RIPOR2: variants seen among roughly 807,000 people sequenced by gnomAD.
RIPOR2 encodes RHO family interacting cell polarization regulator 2.
A neutral mutation model predicts 114.5 loss-of-function variants in RIPOR2; 39 were observed. The observed-to-expected ratio is 0.34, with a 90% CI of 0.26 to 0.44. RIPOR2 has a LOEUF of 0.44. RIPOR2 is among the 20% of genes least tolerant of loss of function. The pLI, the probability that RIPOR2 is intolerant of heterozygous loss-of-function variation, is 1.00. For synonymous variants in RIPOR2, 445 were observed against 484.4 expected, an observed-to-expected ratio of 0.92 and a Z score of 1.07; for missense variants, 1,007 against 1,255.1, an observed-to-expected ratio of 0.80 and a Z score of 2.99.
intron 1 of RIPOR2, among the ~76,000 whole-genome samples, chr6:24,961,725 A>G (rs1016332656): frequency 1.1e-4 from 17 of 151,682 alleles, no homozygotes; most frequent in Admixed American, 9.2e-4. Context: ...CCCAGGTTCA[A>G]GTGATGCTCC....
chr6:24,945,774 A>C (rs988741702), intron 1 of RIPOR2, among the ~76,000 whole-genome samples: 1 of 152,186 alleles, frequency 6.6e-6, no homozygotes, highest in Non-Finnish European at 1.5e-5. Flanking sequence ...CCAATAGAAA[A>C]ATTCAAATTA....
At position 24,972,909 on chromosome 6, in the gene RIPOR2, G is replaced by GA. The variant is rs556801532; in HGVS notation, c.76+68941dup. 2.4e-3 allele frequency among the ~76,000 whole-genome samples: 364 copies of GA among 152,332 alleles called. 1 individual carries two copies. Among genetic ancestry groups the GA allele is most frequent in the African/African-American group, 8.1e-3 (336 of 41,570 alleles). ...TATTTTATGGGTGGAGACAGGGATAGAATTTCTTTATAGAAAACGTCTGTT... is the reference window on the plus strand; with the variant it reads ...TATTTTATGGGTGGAGACAGGGATAGAAATTTCTTTATAGAAAACGTCTGTT... On this transcript the variant is annotated intron_variant, in intron 1 of 13. Coordinates refer to the RIPOR2 transcript ENST00000510784.
chr6:24,840,526 G>A, intron 13 of RIPOR2: 10 of 1,424,826 alleles, frequency 7.0e-6, no homozygotes, highest in Admixed American at 2.8e-5. Context: ...GGGGTGGGTC[G>A]AATGGGACAA....
intron 3 of RIPOR2, among the ~76,000 whole-genome samples, chr6:24,873,251 C>T (rs750478511): frequency 2.6e-5 from 4 of 152,196 alleles, no homozygotes; most frequent in Non-Finnish European, 5.9e-5. Flanking sequence ...TGGCTCTGGC[C>T]TGACAGAATT....
intron 1 of RIPOR2, among the ~76,000 whole-genome samples, chr6:24,897,155 G>A (rs575052207): frequency 1.3e-5 from 2 of 152,354 alleles, no homozygotes; most frequent in East Asian, 1.9e-4. Flanking sequence ...GAATGTGGGT[G>A]TTGAGTCTAA....
intron 1 of RIPOR2, among the ~76,000 whole-genome samples, chr6:24,964,675 A>G (rs1222462326): frequency 1.3e-5 from 2 of 152,226 alleles, no homozygotes; most frequent in African/African-American, 4.8e-5. Context: ...GATGTACCAT[A>G]TGGTAAGTGA....
chr6:24,902,085 GC>G (rs1768512753), intron 1 of RIPOR2, among the ~76,000 whole-genome samples: 1 of 152,210 alleles, frequency 6.6e-6, no homozygotes. Flanking sequence ...CAGAAGAGAA[GC>G]GGTAGAAAAG....
intron 15 of RIPOR2, among the ~76,000 whole-genome samples, chr6:24,834,573 A>G (rs995462653): frequency 2.6e-5 from 4 of 151,908 alleles, no homozygotes; most frequent in Admixed American, 1.3e-4. Context: ...ACAATTCAGC[A>G]TGGTAGTACA....
chr6:24,936,038 C>T, upstream of RIPOR2: 2 of 618,510 alleles, frequency 3.2e-6, no homozygotes, highest in South Asian at 3.8e-5. Flanking sequence ...CTGAAGAAAG[C>T]AGTTTCATTC....
upstream of RIPOR2, chr6:24,936,023 C>A: frequency 1.5e-6 from 1 of 669,798 alleles, no homozygotes; most frequent in Non-Finnish European, 2.6e-6. Context: ...GCTTCCGCAT[C>A]TGCCCTGAAG....
Position 24,864,308 on chromosome 6 carries a change from T to A in RIPOR2, c.651+993A>T, listed in dbSNP as rs575749241. On this transcript the variant is annotated intron_variant, in intron 7 of 21. Coordinates refer to ENST00000643898, the MANE Select transcript of RIPOR2 (RefSeq NM_001286445.3). ...TCGCGCCACTGCACTCCAGCCTGTG[T>A]GACAGAGCAAGACTCTATCTCTCAA... is the stretch of plus-strand genomic sequence containing the variant. 2.0e-5 allele frequency among the ~76,000 whole-genome samples: 3 copies of A among 152,284 alleles called. No homozygotes were observed. In the South Asian group the frequency reaches 6.2e-4, roughly 32 times the overall value.
chr6:24,951,580 C>T (rs1408872790), intron 1 of RIPOR2, among the ~76,000 whole-genome samples: 1 of 152,154 alleles, frequency 6.6e-6, no homozygotes, highest in Admixed American at 6.5e-5. Flanking sequence ...CTTTGCCTCA[C>T]GCTTCTGCTA....
In RIPOR2 at chr6:24,927,206, C is replaced by CCAT. The variant is rs1376065091; in HGVS notation, c.61+8631_61+8632insATG. Among the ~76,000 whole-genome samples, 7 of 148,240 alleles carry CCAT rather than the reference C, an allele frequency of 4.7e-5. 3 individuals are homozygous for CCAT. The highest frequency in any genetic ancestry group is 1.3e-4 in the Admixed American group (2 of 14,888). Reference sequence around the variant, plus strand: ...ATGACCACCACCACAACTACAAGCACCACCACCACCACTACCACCAGCACC... The same window carrying CCAT: ...ATGACCACCACCACAACTACAAGCACCATCACCACCACCACTACCACCAGCACC... On this transcript the variant is annotated intron_variant, in intron 1 of 21. Coordinates refer to ENST00000643898, the MANE Select transcript of RIPOR2 (RefSeq NM_001286445.3).
intron 20 of RIPOR2, among the ~76,000 whole-genome samples, chr6:24,811,221 T>G (rs1781126190): frequency 7.2e-6 from 1 of 137,950 alleles, no homozygotes; most frequent in Admixed American, 8.7e-5. Flanking sequence ...TGTGGCCTTC[T>G]CTCATTCTTT....
upstream of RIPOR2, among the ~76,000 whole-genome samples, chr6:24,940,912 C>T (rs1014327791): frequency 1.3e-5 from 2 of 152,152 alleles, no homozygotes; most frequent in Non-Finnish European, 2.9e-5. Context: ...CCTTGGCCTC[C>T]CAAAGGGCTG....
rs550773501 is a variant in RIPOR2, at chr6:24,865,032, T to G, written c.651+269A>C. ...GCGCGATCGTAGCTCACCGCAGCCT[T>G]GAACTCCTGGGCTCAAGCAATGCTC... On this transcript the variant is annotated intron_variant, in intron 7 of 21. Transcript: ENST00000643898. Among the ~76,000 whole-genome samples the G allele has an allele frequency of 1.1e-4, 16 of 152,308 alleles. 1 individual carries two copies. In the South Asian group the frequency reaches 2.9e-3, roughly 28 times the overall value.
rs568158470 is a variant in RIPOR2 at position 24,955,768 on chromosome 6, G to A, written c.77-79951C>T. Among the ~76,000 whole-genome samples, 5 of 151,524 alleles carry A rather than the reference G, an allele frequency of 3.3e-5. No individual in the cohort carries two copies. In the East Asian group the frequency reaches 9.7e-4, roughly 29 times the overall value. On this transcript the variant is annotated intron_variant, in intron 1 of 13. Transcript: ENST00000510784. ...GGCTGTAATCCCAGCACTTTGAGAG[G>A]CTGAGGTGGGTAGATCACTTGAGGT...
intron 12 of RIPOR2, chr6:24,847,530 G>A: frequency 6.5e-7 from 1 of 1,550,308 alleles, no homozygotes; most frequent in Non-Finnish European, 8.7e-7. Context: ...TACCCGGGCA[G>A]GCCACACTCA....
upstream of RIPOR2, among the ~76,000 whole-genome samples, chr6:24,938,480 T>C (rs1432513589): frequency 6.6e-6 from 1 of 152,198 alleles, no homozygotes; most frequent in Non-Finnish European, 1.5e-5. Context: ...GAAAATAATA[T>C]ACTTTCTCAT....
Sources: allele counts gnomAD v4.1 joint callset (sites outside exome capture counted in the v4.1 genomes callset), GRCh38; gene constraint gnomAD v4.1.1; transcripts MANE v1.5; gene names NCBI Gene and HGNC (gene_info 2026-07-23, HGNC 2026-07-21).